The following ST6GALNAC3 variants were observed in gnomAD, a reference collection of about 807,000 sequenced individuals.
ST6GALNAC3 encodes ST6 N-acetylgalactosaminide alpha-2,6-sialyltransferase 3, also known as alpha-N-acetylgalactosaminide alpha-2,6-sialyltransferase 3.
Under a neutral mutation model 32.7 loss-of-function variants are expected in ST6GALNAC3, and 25 were observed. That is an observed-to-expected ratio of 0.76 (90% CI 0.56 to 1.07). The LOEUF (loss-of-function observed/expected upper bound fraction) is 1.07. ST6GALNAC3 is among the 50% of genes least tolerant of loss of function. ST6GALNAC3 has a pLI of 0.00. For missense variants in ST6GALNAC3, 355 were observed against 382.4 expected (o/e 0.93, Z 0.60); for synonymous variants, 129 against 133.1 (o/e 0.97, Z 0.21).
In ST6GALNAC3 at chr1:76,582,165, C is replaced by T. The variant is rs555685359; in HGVS notation, c.624-45287C>T. 1.2e-4 allele frequency among the ~76,000 whole-genome samples: 19 copies of T among 152,214 alleles called. No homozygotes were observed. The South Asian group carries it at 2.9e-3, about 23-fold the overall frequency. ...AGAAGATTTCACATGTTGACTCTGA[C>T]GTGCAGATGAATGATGGTGCCGTAG... On this transcript the variant is annotated intron_variant, in intron 3 of 4. Coordinates refer to ENST00000328299, the MANE Select transcript of ST6GALNAC3 (RefSeq NM_152996.4).
intron 1 of ST6GALNAC3, among the ~76,000 whole-genome samples, chr1:76,182,662 C>A (rs1391087927): frequency 6.6e-6 from 1 of 152,054 alleles, no homozygotes; most frequent in African/African-American, 2.4e-5. Flanking sequence ...AAAGGGATAA[C>A]TAGGCAGGTA....
At chr1:76,209,429 C>T (rs184069889) in intron 1 of ST6GALNAC3, among the ~76,000 whole-genome samples, 35 of 152,288 alleles carry the variant, frequency 2.3e-4, no homozygotes, top group African/African-American at 7.5e-4. Context: ...TGAATGCCAG[C>T]CTGTGCTTCA....
At position 76,348,746 on chromosome 1, in the gene ST6GALNAC3, CTA is replaced by C. The variant is rs58104334; in HGVS notation, c.213+34761_213+34762del. On this transcript the variant is annotated intron_variant, in intron 2 of 4. Coordinates refer to ENST00000328299, the MANE Select transcript of ST6GALNAC3 (RefSeq NM_152996.4). ...CATTTATTCATTCATGCATGCATGC[CTA>C]TATATATATATATGCATTGTGCATT... Among the ~76,000 whole-genome samples the C allele has an allele frequency of 3.1e-4, 47 of 149,512 alleles. No homozygotes were observed. In the South Asian group the frequency reaches 5.3e-3, roughly 17 times the overall value.
intron 1 of ST6GALNAC3, among the ~76,000 whole-genome samples, chr1:76,192,536 G>A (rs779330950): frequency 6.6e-6 from 1 of 152,112 alleles, no homozygotes; most frequent in African/African-American, 2.4e-5. Flanking sequence ...AGGTCTCCTC[G>A]ATTGTCTCTG....
chr1:76,628,375 GCCA>G (rs1649108129), intron 4 of ST6GALNAC3, among the ~76,000 whole-genome samples: 2 of 151,830 alleles, frequency 1.3e-5, no homozygotes, highest in African/African-American at 4.8e-5. Context: ...TCAAAAGATA[GCCA>G]TATGTTTGAA....
At chr1:76,556,501 C>A (rs1664933066) in intron 3 of ST6GALNAC3, among the ~76,000 whole-genome samples, 1 of 152,060 alleles carries the variant, frequency 6.6e-6, no homozygotes, top group Non-Finnish European at 1.5e-5. Flanking sequence ...TTTCTACCAA[C>A]AGTTTATGAG....
At chr1:76,464,521 A>G (rs981626496) in intron 3 of ST6GALNAC3, among the ~76,000 whole-genome samples, 9 of 152,150 alleles carry the variant, frequency 5.9e-5, no homozygotes, top group African/African-American at 2.2e-4. Flanking sequence ...AGAACTTACC[A>G]CTTTGCTGAC....
intron 3 of ST6GALNAC3, among the ~76,000 whole-genome samples, chr1:76,441,472 T>C (rs1049151389): frequency 2.9e-4 from 44 of 152,118 alleles, no homozygotes; most frequent in African/African-American, 1.0e-3. Flanking sequence ...GATCTGATTT[T>C]TTTTCATTTT....
rs1557679892 is a variant in ST6GALNAC3, at chr1:76,184,106, T to G, written c.18+109222T>G. On this transcript the variant is annotated intron_variant, in intron 1 of 4. Coordinates refer to ENST00000328299, the MANE Select transcript of ST6GALNAC3 (RefSeq NM_152996.4). ...TTATTTCATAATTTCCTTATTTTAG[T>G]TCATTTCTAATCATTAACTGTGTTA... is the stretch of plus-strand genomic sequence containing the variant. 2.0e-5 allele frequency among the ~76,000 whole-genome samples: 3 copies of G among 152,160 alleles called. No individual in the cohort carries two copies. The East Asian group carries it at 5.8e-4, about 29-fold the overall frequency.
chr1:76,321,409 A>G (rs893572506), intron 2 of ST6GALNAC3, among the ~76,000 whole-genome samples: 1 of 152,086 alleles, frequency 6.6e-6, no homozygotes, highest in African/African-American at 2.4e-5. Flanking sequence ...CTCCCCTCCC[A>G]TCCCCCATGG....
rs150409592 is a variant in ST6GALNAC3 at position 76,456,605 on chromosome 1, A to T, written c.623+44188A>T. On this transcript the variant is annotated intron_variant, in intron 3 of 4. Transcript: ENST00000328299. ...ATACAGAACCAAAGAAAAAAACCAC[A>T]TGATTATCTCAATAGATGCAGAAAA... Among the ~76,000 whole-genome samples, 226 of 152,360 alleles carry T rather than the reference A, an allele frequency of 1.5e-3. 1 individual carries two copies. The highest frequency in any genetic ancestry group is 5.0e-3 in the African/African-American group (210 of 41,596).
intron 1 of ST6GALNAC3, among the ~76,000 whole-genome samples, chr1:76,223,334 A>G (rs10873871): frequency 0.15 from 22,701 of 152,200 alleles, 2,038 homozygotes; most frequent in Non-Finnish European, 0.21. Flanking sequence ...TATAAGTGGG[A>G]GCTAAACAGT....
rs77141636 is a variant in ST6GALNAC3 at position 76,174,543 on chromosome 1, C to A, written c.18+99659C>A. ...ACATATATAATAAAATTATATCTAC[C>A]TACCTATCTGTCTACCTATCTATCT... On this transcript the variant is annotated intron_variant, in intron 1 of 4. Coordinates refer to ENST00000328299, the MANE Select transcript of ST6GALNAC3 (RefSeq NM_152996.4). 3.0e-3 allele frequency among the ~76,000 whole-genome samples: 454 copies of A among 151,686 alleles called. 7 individuals are homozygous for A. The East Asian group carries it at 0.044, about 15-fold the overall frequency.
intron 1 of ST6GALNAC3, among the ~76,000 whole-genome samples, chr1:76,310,902 A>T (rs1332562817): frequency 1.3e-5 from 2 of 152,246 alleles, no homozygotes; most frequent in South Asian, 4.1e-4. Flanking sequence ...AAAACTAGAA[A>T]GTCAAGGGCT....
chr1:76,319,992 T>C (rs1646936621), intron 2 of ST6GALNAC3, among the ~76,000 whole-genome samples: 1 of 152,192 alleles, frequency 6.6e-6, no homozygotes, highest in South Asian at 2.1e-4. Flanking sequence ...AAGAGATGAC[T>C]ATGTTTCTCA....
intron 3 of ST6GALNAC3, among the ~76,000 whole-genome samples, chr1:76,622,269 AT>A (rs1407639494): frequency 1.3e-5 from 2 of 151,922 alleles, no homozygotes; most frequent in African/African-American, 4.8e-5. Context: ...TGCATTCCTA[AT>A]TGTACATTCC....
intron 1 of ST6GALNAC3, among the ~76,000 whole-genome samples, chr1:76,080,182 G>T (rs1165888048): frequency 6.6e-6 from 1 of 152,230 alleles, no homozygotes; most frequent in Non-Finnish European, 1.5e-5. Flanking sequence ...TTACTGAACT[G>T]AATGTAAAAG....
chr1:76,502,949 A>G (rs1661261918), intron 3 of ST6GALNAC3, among the ~76,000 whole-genome samples: 1 of 152,344 alleles, frequency 6.6e-6, no homozygotes, highest in South Asian at 2.1e-4. Context: ...GAGGTGTAGG[A>G]CTATTATAAG....
At chr1:76,102,349 G>A (rs1376068538) in intron 1 of ST6GALNAC3, among the ~76,000 whole-genome samples, 2 of 151,468 alleles carry the variant, frequency 1.3e-5, no homozygotes, top group East Asian at 1.9e-4. Context: ...TGGTTGAGTT[G>A]GACAGAATTT....
Sources: allele counts gnomAD v4.1 joint callset (sites outside exome capture counted in the v4.1 genomes callset), GRCh38; gene constraint gnomAD v4.1.1; transcripts MANE v1.5; gene names NCBI Gene and HGNC (gene_info 2026-07-23, HGNC 2026-07-21).